CIBAR2: variants seen among roughly 807,000 people sequenced by gnomAD.
CIBAR2 encodes CBY1-interacting BAR domain-containing protein 2.
Under a neutral mutation model 36.2 loss-of-function variants are expected in CIBAR2, and 38 were observed. The observed-to-expected ratio is 1.05, with a 90% CI of 0.81 to 1.38. The LOEUF is 1.38. Among genes scored for constraint, CIBAR2 ranks in the 40% most tolerant of loss-of-function variants. CIBAR2 has a pLI of 0.00. For synonymous variants in CIBAR2, 182 were observed against 149.5 expected (o/e 1.22, Z -1.58); for missense variants, 481 against 383.4 (o/e 1.25, Z -2.13).
At chr16:85,100,073 T>C (rs2073943016) in intron 8 of CIBAR2, 66 bp downstream of exon 8, 3 of 1,261,976 alleles carry the variant, frequency 2.4e-6, no homozygotes, top group South Asian at 1.4e-5. Flanking sequence ...CTGGGGTTAC[T>C]ACCACGGGCC....
At chr16:85,106,603 G>A (rs773893069) in intron 5 of CIBAR2, among the ~76,000 whole-genome samples, 1 of 152,136 alleles carries the variant, frequency 6.6e-6, no homozygotes, top group African/African-American at 2.4e-5. Context: ...AGGGATGTGC[G>A]TGGCCTCTGG....
At position 85,110,297 on chromosome 16, in the gene CIBAR2, G is replaced by A. The variant is rs149617066; in HGVS notation, c.184C>T (p.Pro62Ser). Residue 62 changes from proline to serine, a missense_variant, in exon 2 of 9, where the codon CCC becomes TCC. Physicochemically the swap from Pro to Ser is moderately conservative, Grantham distance 74. Transcript: ENST00000539556. ...QLIDFANSEN[P>S]ELRATMRGFA... ...CCCCTCATGGTGGCCCGCAGCTCGG[G>A]GTTCTCGGAGTTGGCAAAGTCGATG... 348 of 1,611,234 alleles carry A rather than the reference G, an allele frequency of 2.2e-4. No individual in the cohort carries two copies. In the African/African-American group the frequency reaches 4.0e-3, roughly 19 times the overall value.
chr16:85,112,315 T>C lies in CIBAR2; in HGVS notation c.20+18A>G. On this transcript the variant is annotated intron_variant, in intron 1 of 8. Coordinates refer to ENST00000539556, the MANE Select transcript of CIBAR2 (RefSeq NM_198491.3). ...ACTTCCACCTCCCTCACAGCCAGGC[T>C]GGCGCTGGCCCACTCACCTGGAGAA... 6.2e-7 allele frequency: 1 copy of C among 1,613,356 alleles called. No homozygotes were observed. Among genetic ancestry groups the C allele is most frequent in the Non-Finnish European group, 8.5e-7 (1 of 1,179,514 alleles).
intron 5 of CIBAR2, 47 bp from the exon 6 acceptor site, chr16:85,105,478 T>C (rs1212951568): frequency 2.1e-6 from 3 of 1,411,272 alleles, no homozygotes; most frequent in Non-Finnish European, 2.0e-6. Context: ...GGGGTGCTTC[T>C]GGCCCTTAGA....
At chr16:85,099,693 G>A (rs540001485) in intron 8 of CIBAR2, among the ~76,000 whole-genome samples, 3 of 151,012 alleles carry the variant, frequency 2.0e-5, no homozygotes, top group African/African-American at 4.9e-5. Context: ...GTACGATCTC[G>A]GCTCACTGCA....
intron 5 of CIBAR2, among the ~76,000 whole-genome samples, chr16:85,105,820 C>A (rs1003964315): frequency 1.5e-4 from 23 of 152,220 alleles, no homozygotes; most frequent in African/African-American, 5.5e-4. Flanking sequence ...GCATGAGGAA[C>A]ACATTTAGGT....
At position 85,105,377 on chromosome 16, in the gene CIBAR2, G is replaced by C. The variant is rs2073987840; in HGVS notation, c.487C>G (p.Leu163Val). 1 of 1,613,908 alleles carries C rather than the reference G, an allele frequency of 6.2e-7. No homozygotes were observed. The highest frequency in any genetic ancestry group is 8.5e-7 in the Non-Finnish European group (1 of 1,179,984). Residue 163 changes from leucine (L) to valine (V), a missense_variant, in exon 6 of 9, where the codon CTG becomes GTG. Leu to Val is a conservative substitution (Grantham distance 32). Coordinates refer to ENST00000539556, the MANE Select transcript of CIBAR2 (RefSeq NM_198491.3). ...AVDSSRTTLQLEETVDGFQRQ... is the reference protein window; with the variant it reads ...AVDSSRTTLQVEETVDGFQRQ... ...TGGAAGCCATCCACAGTCTCCTCCA[G>C]CTGGAGGGTGGTGCGGCTGGAGTCC...
chr16:85,105,426 C>G lies in CIBAR2; in HGVS notation c.438G>C (p.Glu146Asp), dbSNP rs771770710. 1.4e-5 allele frequency: 22 copies of G among 1,612,902 alleles called. 1 individual carries two copies. Among genetic ancestry groups the G allele is most frequent in the Admixed American group, 8.3e-5 (5 of 60,016 alleles). Reference sequence around the variant, plus strand: ...CCACAGCGGCCCTCTGCACTCTGGTCTCTGCCTGGCCCCAGGGACACAAGA... The same window carrying G: ...CCACAGCGGCCCTCTGCACTCTGGTGTCTGCCTGGCCCCAGGGACACAAGA... The part of the protein sequence containing the change: ...PSDQQMISQA[E>D]TRVQRAAVDS... Residue 146 changes from glutamate (E) to aspartate (D), a missense_variant, in exon 6 of 9, where the codon GAG becomes GAC. Coordinates refer to ENST00000539556, the MANE Select transcript of CIBAR2 (RefSeq NM_198491.3).
At chr16:85,108,713 A>C (rs957273022) in intron 2 of CIBAR2, among the ~76,000 whole-genome samples, 9 of 151,896 alleles carry the variant, frequency 5.9e-5, no homozygotes, top group African/African-American at 2.2e-4. Context: ...TCTCTACTAA[A>C]AATACAAAAA....
intron 7 of CIBAR2, among the ~76,000 whole-genome samples, chr16:85,100,858 T>C (rs1280529264): frequency 6.6e-6 from 1 of 152,060 alleles, no homozygotes; most frequent in Non-Finnish European, 1.5e-5. Context: ...CCATCCTGGC[T>C]AACACGGTGA....
chr16:85,112,297 C>A, intron 1 of CIBAR2, 36 bp downstream of exon 1: 3 of 1,611,898 alleles, frequency 1.9e-6, no homozygotes, highest in Non-Finnish European at 2.5e-6. Flanking sequence ...CCGACTTCCA[C>A]CTCCCTCACA....
intron 6 of CIBAR2, 39 bp from the exon 7 acceptor site, chr16:85,102,366 T>A: frequency 7.8e-7 from 1 of 1,278,022 alleles, no homozygotes; most frequent in African/African-American, 1.5e-5. Context: ...AGCATCGCAG[T>A]GAGAAAGAGC....
Position 85,105,922 on chromosome 16 carries a change from C to A in CIBAR2, c.433-491G>T, listed in dbSNP as rs184327013. Among the ~76,000 whole-genome samples, 613 of 152,316 alleles carry A rather than the reference C, an allele frequency of 4.0e-3. 5 individuals carry two copies. The highest frequency in any genetic ancestry group is 6.4e-3 in the Non-Finnish European group (436 of 68,026). ...AGAATCTGGCTTTTAGAGTCAAACA[C>A]CTTGGAGCTGCGTTTGAAATTTGCC... On this transcript the variant is annotated intron_variant, in intron 5 of 8. Coordinates refer to ENST00000539556, the MANE Select transcript of CIBAR2 (RefSeq NM_198491.3).
chr16:85,099,654 C>T (rs550779650), intron 8 of CIBAR2, among the ~76,000 whole-genome samples: 11 of 150,986 alleles, frequency 7.3e-5, no homozygotes, highest in East Asian at 3.9e-4. Flanking sequence ...GACAGAGTCT[C>T]GCTCTGTAAC....
At chr16:85,101,174 T>C (rs952938590) in intron 7 of CIBAR2, among the ~76,000 whole-genome samples, 5 of 152,230 alleles carry the variant, frequency 3.3e-5, no homozygotes. Flanking sequence ...ATGGCAGGCT[T>C]TGTGGGGTGT....
intron 5 of CIBAR2, among the ~76,000 whole-genome samples, chr16:85,107,166 C>A (rs183037404): frequency 2.4e-4 from 36 of 151,760 alleles, no homozygotes; most frequent in African/African-American, 8.0e-4. Context: ...AGGGGGGGGG[C>A]ACTCTTTGGA....
chr16:85,102,693 G>C (rs1470827151), intron 6 of CIBAR2, among the ~76,000 whole-genome samples: 2 of 152,142 alleles, frequency 1.3e-5, no homozygotes, highest in Non-Finnish European at 2.9e-5. Flanking sequence ...GTATGCCAAA[G>C]TGTCAACTGA....
In CIBAR2 at chr16:85,098,402, A is replaced by T. The variant is rs576473591; in HGVS notation, c.*783T>A. 3.1e-6 allele frequency: 1 copy of T among 327,088 alleles called. No homozygotes were observed. The highest frequency in any genetic ancestry group is 6.5e-5 in the Admixed American group (1 of 15,482). 20.3% of individuals were successfully genotyped at this position (327,088 alleles called of 1,614,324 possible). ...ATTGAACACCTACTATATGCCAGGC[A>T]CAGCGATCCCCCAGAGCAACCTGTG... On this transcript the variant is annotated 3_prime_UTR_variant, in exon 9 of 9. Coordinates refer to ENST00000539556, the MANE Select transcript of CIBAR2 (RefSeq NM_198491.3).
intron 7 of CIBAR2, 98 bp downstream of exon 7, chr16:85,102,115 TG>T (rs1394135803): frequency 1.4e-6 from 1 of 700,698 alleles, no homozygotes; most frequent in African/African-American, 1.8e-5. Context: ...TTAGAAAAGT[TG>T]TGAAATGTTA....
Sources: gnomAD v4.1 joint callset for allele counts (sites outside exome capture counted in the v4.1 genomes callset) on GRCh38, gnomAD v4.1.1 for gene constraint, MANE v1.5 for transcripts, NCBI Gene and HGNC (gene_info 2026-07-23, HGNC 2026-07-21) for gene names.